SVEP1: variants seen among roughly 807,000 people sequenced by gnomAD.
SVEP1 encodes the protein sushi, von Willebrand factor type A, EGF and pentraxin domain-containing protein 1.
Under a neutral mutation model 367.3 loss-of-function variants are expected in SVEP1, and 164 were observed. That is an observed-to-expected ratio of 0.45 (90% CI 0.39 to 0.51). The LOEUF is 0.51. SVEP1 is among the 20% of genes least tolerant of loss of function. The pLI is 0.00. For synonymous variants in SVEP1, 1,666 were observed against 1,611.6 expected (o/e 1.03, Z -0.81); for missense variants, 4,117 against 4,425.3 (o/e 0.93, Z 1.98).
Position 110,445,848 on chromosome 9 carries a change from A to G in SVEP1, c.4452T>C (p.Thr1484=). Residue 1484 remains threonine (T), a synonymous_variant, in exon 26 of 48, where the codon ACT becomes ACC. Transcript: ENST00000374469. ...DNGSDNTLLL[T]DYNGWVLYVN... Reference sequence around the variant, plus strand: ...ACACTTCTGCTTACCCGTTATAATCAGTCAGGAGCAAGGTATTGTCGCTGC... The same window carrying G: ...ACACTTCTGCTTACCCGTTATAATCGGTCAGGAGCAAGGTATTGTCGCTGC... 1 of 1,613,826 alleles carries G rather than the reference A, an allele frequency of 6.2e-7. No individual in the cohort carries two copies.
chr9:110,504,972 T>C (rs1829601812), intron 5 of SVEP1, among the ~76,000 whole-genome samples: 1 of 152,202 alleles, frequency 6.6e-6, no homozygotes, highest in East Asian at 1.9e-4. Context: ...GACATGGTTT[T>C]CTTCATCTTC....
chr9:110,496,834 T>A lies in SVEP1; in HGVS notation c.1781A>T (p.Lys594Ile), dbSNP rs2118740974. 1 of 1,556,306 alleles carries A rather than the reference T, an allele frequency of 6.4e-7. No homozygotes were observed. The highest frequency in any genetic ancestry group is 2.4e-5 in the East Asian group (1 of 41,982). The change falls in exon 8 of 48, where the codon AAA becomes ATA. Residue 594 changes from lysine to isoleucine, a missense_variant. Lys to Ile is a moderately radical substitution (Grantham distance 102, BLOSUM62 -3). This residue lies in a region of SVEP1 where 2,174 missense variants were observed against 2,494.3 expected (regional missense o/e 0.87). Coordinates refer to ENST00000374469, the MANE Select transcript of SVEP1 (RefSeq NM_153366.4). ...ANVTWQIPTA[K>I]DNSGEKVSVH... ...CCTTACCTTTTCACCAGAGTTGTCT[T>A]TAGCTGTTGGAATCTGCCAGGTAAC...
intron 21 of SVEP1, among the ~76,000 whole-genome samples, chr9:110,456,585 T>C (rs1828778788): frequency 6.6e-6 from 1 of 152,224 alleles, no homozygotes; most frequent in African/African-American, 2.4e-5. Flanking sequence ...TTCCTTTACT[T>C]AAATACCACT....
rs1336225701 is a variant in SVEP1 at position 110,366,500 on chromosome 9, T to C, written c.*39A>G. 6.5e-7 allele frequency: 1 copy of C among 1,541,010 alleles called. No homozygotes were observed. Among genetic ancestry groups the C allele is most frequent in the Non-Finnish European group, 8.7e-7 (1 of 1,146,324 alleles). ...ATGCCCAGGCACTACCGAGGAGAGA[T>C]GATCCTGCTTTTGGGAGAGCCAGAT... On this transcript the variant is annotated 3_prime_UTR_variant, in exon 48 of 48. Coordinates refer to ENST00000374469, the MANE Select transcript of SVEP1 (RefSeq NM_153366.4).
At chr9:110,485,940 T>C (rs1173670905) in intron 9 of SVEP1, among the ~76,000 whole-genome samples, 4 of 152,238 alleles carry the variant, frequency 2.6e-5, no homozygotes, top group Non-Finnish European at 5.9e-5. Context: ...CTTTTCCTCA[T>C]GTTTGTTATT....
At chr9:110,427,302 C>CAAA (rs61616981) in intron 36 of SVEP1, among the ~76,000 whole-genome samples, 17 of 81,914 alleles carry the variant, frequency 2.1e-4, no homozygotes, top group South Asian at 8.6e-4. Context: ...GACTCTGTCT[C>CAAA]AAAAAAAAAA....
chr9:110,577,122 C>T (rs759875344), intron 1 of SVEP1, among the ~76,000 whole-genome samples: 13 of 152,044 alleles, frequency 8.6e-5, no homozygotes, highest in Middle Eastern at 3.4e-3. Flanking sequence ...TCCTTACTGA[C>T]TTCATTGGTA....
At chr9:110,571,338 C>G (rs1830560179) in intron 1 of SVEP1, among the ~76,000 whole-genome samples, 1 of 152,136 alleles carries the variant, frequency 6.6e-6, no homozygotes, top group African/African-American at 2.4e-5. Flanking sequence ...AAGCATGAAA[C>G]CAAGTGTTCC....
chr9:110,438,185 T>C (rs1828459657), intron 27 of SVEP1, among the ~76,000 whole-genome samples: 1 of 127,214 alleles, frequency 7.9e-6, no homozygotes, highest in Non-Finnish European at 1.7e-5. Context: ...CTATTTTTTT[T>C]TTTTTTTTTT....
intron 1 of SVEP1, among the ~76,000 whole-genome samples, chr9:110,554,820 C>T (rs985812777): frequency 1.3e-5 from 2 of 151,432 alleles, no homozygotes; most frequent in Admixed American, 6.6e-5. Context: ...ATAAATAATA[C>T]TTGGAACAAA....
At chr9:110,411,033 CCACAGA>C in intron 37 of SVEP1, 24 bp downstream of exon 37, 2 of 1,520,430 alleles carry the variant, frequency 1.3e-6, no homozygotes, top group Non-Finnish European at 1.8e-6. Flanking sequence ...GTGACAAAAG[CCACAGA>C]CCATTTGCTA....
chr9:110,399,687 T>C (rs1360583381), intron 40 of SVEP1, among the ~76,000 whole-genome samples: 1 of 151,896 alleles, frequency 6.6e-6, no homozygotes, highest in Non-Finnish European at 1.5e-5. Context: ...GCACATTCCA[T>C]CACGCCTGGC....
At chr9:110,415,636 G>T (rs922599102) in intron 36 of SVEP1, among the ~76,000 whole-genome samples, 1 of 151,964 alleles carries the variant, frequency 6.6e-6, no homozygotes, top group African/African-American at 2.4e-5. Context: ...TTGGGGAAAA[G>T]AAATAGAAAA....
At chr9:110,390,215 T>TTGTATATATACTTATAAGTATG (rs1827620556) in intron 40 of SVEP1, among the ~76,000 whole-genome samples, 1 of 63,060 alleles carries the variant, frequency 1.6e-5, no homozygotes, top group African/African-American at 7.0e-5. Context: ...ATGTATATAC[T>TTGTATATATACTTATAAGTATG]TGTATATATA....
chr9:110,406,197 C>T lies in SVEP1; in HGVS notation c.9403G>A (p.Gly3135Arg), dbSNP rs748695483. The change falls in exon 38 of 48, where the codon GGA (glycine) becomes AGA (arginine). Residue 3135 changes from glycine (G) to arginine (R), a missense_variant. Coordinates refer to ENST00000374469, the MANE Select transcript of SVEP1 (RefSeq NM_153366.4). The stretch of plus-strand genomic sequence containing the variant: ...TCACTTTCATAGGTGTGTGCCTCTC[C>T]AGTTGCCACTGCATTGGCGACAGAC... ...PPSVANAVAT[G>R]EAHTYESEVK... The T allele has an allele frequency of 1.9e-6, 3 of 1,602,488 alleles. No homozygotes were observed. The highest frequency in any genetic ancestry group is 1.7e-5 in the Admixed American group (1 of 58,928).
At position 110,499,110 on chromosome 9, in the gene SVEP1, C is replaced by T. The variant is rs773636782; in HGVS notation, c.1612G>A (p.Val538Ile). ...SCRQGFILSG[V>I]KEMLRCTTSG... is the part of the protein sequence containing the mutation. ...GTGGTACATCTCAGCATTTCTTTGA[C>T]TCCAGATAAAATGAACCCTTGGCGG... Residue 538 changes from valine to isoleucine, a missense_variant, in exon 7 of 48, where the codon GTC becomes ATC. Physicochemically the swap from Val to Ile is conservative, Grantham distance 29. Coordinates refer to ENST00000374469, the MANE Select transcript of SVEP1 (RefSeq NM_153366.4). The T allele has an allele frequency of 2.5e-6, 4 of 1,613,798 alleles. No individual in the cohort carries two copies. Among genetic ancestry groups the T allele is most frequent in the Non-Finnish European group, 3.4e-6 (4 of 1,179,820 alleles).
Position 110,406,214 on chromosome 9 carries a change from G to C in SVEP1, c.9386C>G (p.Ala3129Gly). Reference protein sequence around the residue: ...PLSCGSPPSVANAVATGEAHT... With the variant: ...PLSCGSPPSVGNAVATGEAHT... The stretch of plus-strand genomic sequence containing the variant: ...TGCCTCTCCAGTTGCCACTGCATTG[G>C]CGACAGACGGTGGGGACCCACAGGA... The change falls in exon 38 of 48, where the codon GCC becomes GGC. Residue 3129 changes from alanine (A) to glycine (G), a missense_variant. Transcript: ENST00000374469. The C allele has an allele frequency of 6.2e-7, 1 of 1,609,418 alleles. No homozygotes were observed. The highest frequency in any genetic ancestry group is 8.5e-7 in the Non-Finnish European group (1 of 1,177,306).
chr9:110,408,623 G>C lies in SVEP1; in HGVS notation c.6977C>G (p.Pro2326Arg). The C allele has an allele frequency of 3.1e-6, 5 of 1,613,936 alleles. No individual in the cohort carries two copies. Among genetic ancestry groups the C allele is most frequent in the Non-Finnish European group, 1.7e-6 (2 of 1,179,878 alleles). ...TACTAGCTGGTTTTCCAAGAGGGGC[G>C]GCTCTGGGCACTTGGCAGGCATGCA... ...PKCMPAKCPE[P>R]PLLENQLVLK... The change falls in exon 38 of 48, where the codon CCG (proline) becomes CGG (arginine). Residue 2326 changes from proline to arginine, a missense_variant. Physicochemically the swap from Pro to Arg is moderately radical, Grantham distance 103 (BLOSUM62 -2). This residue lies in a region of SVEP1 where 1,765 missense variants were observed against 1,781.1 expected (regional missense o/e 0.99). Transcript: ENST00000374469.
At chr9:110,401,531 T>TTA (rs558848264) in intron 39 of SVEP1, among the ~76,000 whole-genome samples, 2,184 of 147,524 alleles carry the variant, frequency 0.015, 43 homozygotes, top group African/African-American at 0.046. Context: ...AGAAAAAAAT[T>TTA]TATATATATA....
Sources: gnomAD v4.1 joint callset for allele counts (sites outside exome capture counted in the v4.1 genomes callset) on GRCh38, gnomAD v4.1.1 for gene constraint, gnomAD v4.1.1 regional missense constraint, MANE v1.5 for transcripts, NCBI Gene and HGNC (gene_info 2026-07-23, HGNC 2026-07-21) for gene names.